Variants in CDHR2 observed in about 807,000 individuals in gnomAD.
The protein encoded by CDHR2 is cadherin-related family member 2.
Under a neutral mutation model 138.6 loss-of-function variants are expected in CDHR2, and 104 were observed. The observed-to-expected ratio is 0.75, with a 90% CI of 0.64 to 0.88. The LOEUF is 0.88. Among genes scored for constraint, CDHR2 ranks in the 40% least tolerant of loss-of-function variants. CDHR2 has a pLI of 0.00. For missense variants in CDHR2, 1,624 were observed against 1,727.6 expected (o/e 0.94, Z 1.06); for synonymous variants, 755 against 742.8 (o/e 1.02, Z -0.27).
rs928584893 is a variant in CDHR2, at chr5:176,553,926, T to C, written c.-16+4512T>C. Among the ~76,000 whole-genome samples, 1 of 152,208 alleles carries C rather than the reference T, an allele frequency of 6.6e-6. No homozygotes were observed. Among genetic ancestry groups the C allele is most frequent in the East Asian group, 1.9e-4 (1 of 5,200 alleles). Reference sequence around the variant, plus strand: ...CTCACTGCCCTTGACTCCAGCGCTATGATGTCACTCTCCAGGGTGTAGCTG... The same window carrying C: ...CTCACTGCCCTTGACTCCAGCGCTACGATGTCACTCTCCAGGGTGTAGCTG... On this transcript the variant is annotated intron_variant, in intron 1 of 31. Transcript: ENST00000261944. This position sits in a 1 kb window ranked among gnomAD's most constrained non-coding sequence, Gnocchi z 4.3.
At chr5:176,588,408 A>AGGGT (rs565293476) in intron 21 of CDHR2, among the ~76,000 whole-genome samples, 41,600 of 131,382 alleles carry the variant, frequency 0.32, 5,728 homozygotes, top group Middle Eastern at 0.36. Flanking sequence ...TGCATGAGAG[A>AGGGT]GTGAGGGTGT....
Position 176,592,774 on chromosome 5 carries a change from A to G in CDHR2, c.3786A>G (p.Glu1262=). The G allele has an allele frequency of 1.2e-6, 2 of 1,613,818 alleles. No homozygotes were observed. Among genetic ancestry groups the G allele is most frequent in the Admixed American group, 1.7e-5 (1 of 60,000 alleles). ...TGGATGTGGACAAGAACAGTCAGGAAATCAAGGCAAGATGGGGGATGAATT... is the reference window on the plus strand; with the variant it reads ...TGGATGTGGACAAGAACAGTCAGGAGATCAAGGCAAGATGGGGGATGAATT... The part of the protein sequence containing the change: ...NSVDVDKNSQ[E]IKEHRPPHTP... The change falls in exon 31 of 32, where the codon GAA becomes GAG. Residue 1262 remains glutamate, a synonymous_variant. Coordinates refer to ENST00000261944, the MANE Select transcript of CDHR2 (RefSeq NM_017675.6).
At chr5:176,556,625 A>T (rs1757832437) in intron 1 of CDHR2, 1 of 152,426 alleles carries the variant, frequency 6.6e-6, no homozygotes, top group East Asian at 1.9e-4. Context: ...ATATCCTGCC[A>T]CTGCACTCCA....
intron 21 of CDHR2, 117 bp from the exon 22 acceptor site, chr5:176,588,914 G>A: frequency 1.0e-6 from 1 of 1,000,206 alleles, no homozygotes; most frequent in Non-Finnish European, 1.5e-6. Flanking sequence ...GCGTGGGGAT[G>A]GCGGATAGAG....
rs1758593501 is a variant in CDHR2 at position 176,584,209 on chromosome 5, C to G, written c.2078C>G (p.Pro693Arg). Residue 693 changes from proline (P) to arginine (R), a missense_variant, in exon 18 of 32, where the codon CCC becomes CGC. Pro to Arg is a moderately radical substitution (Grantham distance 103, BLOSUM62 -2). Around this residue, in one of 3 missense-constraint regions of CDHR2, gnomAD observed 1,061 missense variants for 1,136.6 expected, o/e 0.93. Coordinates refer to ENST00000261944, the MANE Select transcript of CDHR2 (RefSeq NM_017675.6). ...CTGCAGGACATCAATGATAACCTGC[C>G]CATCTTCAATCAGTCCAGCTACAAC... Reference protein sequence around the residue: ...ITVEDINDNLPIFNQSSYNFT... With the variant: ...ITVEDINDNLRIFNQSSYNFT... 2.5e-6 allele frequency: 4 copies of G among 1,613,916 alleles called. No individual in the cohort carries two copies. The highest frequency in any genetic ancestry group is 2.7e-5 in the African/African-American group (2 of 74,888).
chr5:176,576,023 G>A lies in CDHR2; in HGVS notation c.1032G>A (p.Met344Ile). 1.2e-6 allele frequency: 2 copies of A among 1,613,878 alleles called. No homozygotes were observed. Among genetic ancestry groups the A allele is most frequent in the Non-Finnish European group, 1.7e-6 (2 of 1,180,004 alleles). Residue 344 changes from methionine (M) to isoleucine (I), a missense_variant, in exon 12 of 32, where the codon ATG (methionine) becomes ATA (isoleucine). Physicochemically the swap from Met to Ile is conservative, Grantham distance 10. Around this residue, in one of 3 missense-constraint regions of CDHR2, gnomAD observed 1,061 missense variants for 1,136.6 expected, o/e 0.93. Transcript: ENST00000261944. This position sits in a 1 kb window ranked among gnomAD's most constrained non-coding sequence, Gnocchi z 4.5. ...KVSIWVTVRVMDVNDHKPEFY... is the reference protein window; with the variant it reads ...KVSIWVTVRVIDVNDHKPEFY... ...GCATCTGGGTGACAGTGAGAGTGAT[G>A]GACGTCAATGACCACAAACCTGAGT...
At chr5:176,548,221 A>G (rs1374776379), upstream of CDHR2, among the ~76,000 whole-genome samples, 1 of 152,274 alleles carries the variant, frequency 6.6e-6, no homozygotes, top group African/African-American at 2.4e-5. Flanking sequence ...GTTGTTGACC[A>G]AAACACAGAT....
chr5:176,542,732 C>G (rs1392571065), exon 1 of CDHR2: 1 of 152,298 alleles, frequency 6.6e-6, no homozygotes, highest in Non-Finnish European at 1.5e-5. Context: ...GACACGGACT[C>G]TCTCCGGACC....
rs779813314 is a variant in CDHR2, at chr5:176,576,210, G to C, written c.1194+25G>C. The C allele has an allele frequency of 2.2e-5, 35 of 1,577,308 alleles. No individual in the cohort carries two copies. The South Asian group carries it at 3.7e-4, about 17-fold the overall frequency. Reference sequence around the variant, plus strand: ...GGCAGGCGTGGTGGCGTGGGTGTGGGCGGGGGTGGCTGGGGGAGGCCAGTG... The same window carrying C: ...GGCAGGCGTGGTGGCGTGGGTGTGGCCGGGGGTGGCTGGGGGAGGCCAGTG... On this transcript the variant is annotated intron_variant, in intron 12 of 31. Coordinates refer to ENST00000261944, the MANE Select transcript of CDHR2 (RefSeq NM_017675.6). This position sits in a 1 kb window ranked among gnomAD's most constrained non-coding sequence, Gnocchi z 4.5.
chr5:176,571,015 T>C (rs1167745211), intron 5 of CDHR2, among the ~76,000 whole-genome samples, 198 bp from the exon 6 acceptor site: 1 of 83,760 alleles, frequency 1.2e-5, no homozygotes, highest in Non-Finnish European at 2.3e-5. Flanking sequence ...GAAAACAACA[T>C]ATGGAGAGAA....
In CDHR2 at chr5:176,577,427, T is replaced by C. The variant is rs752295554; in HGVS notation, c.1223T>C (p.Leu408Pro). Residue 408 changes from leucine (L) to proline (P), a missense_variant, in exon 13 of 32, where the codon CTG becomes CCG. Transcript: ENST00000261944. ...AGCAATGGCACCTTCCTGTTGTCGC[T>C]GGGGGGCCCCGATGCAGAAGCCTTC... is the stretch of plus-strand genomic sequence containing the variant. ...KGSNGTFLLS[L>P]GGPDAEAFSV... The C allele has an allele frequency of 6.2e-7, 1 of 1,609,852 alleles. No individual in the cohort carries two copies. The highest frequency in any genetic ancestry group is 1.7e-5 in the Admixed American group (1 of 59,264).
intron 16 of CDHR2, among the ~76,000 whole-genome samples, chr5:176,580,023 G>A (rs1015057526): frequency 6.6e-6 from 1 of 152,098 alleles, no homozygotes; most frequent in South Asian, 2.1e-4. Flanking sequence ...AAGGCCTGGC[G>A]GCACAGAGGA....
At chr5:176,586,732 G>C in intron 20 of CDHR2, 61 bp from the exon 21 acceptor site, 1 of 1,492,228 alleles carries the variant, frequency 6.7e-7, no homozygotes, top group Non-Finnish European at 9.2e-7. Context: ...CTCGTGACCA[G>C]CCTTGGTCCA....
chr5:176,555,920 C>G (rs1348655725), intron 1 of CDHR2, among the ~76,000 whole-genome samples: 1 of 152,016 alleles, frequency 6.6e-6, no homozygotes, highest in Non-Finnish European at 1.5e-5. Context: ...AAAAAAAACC[C>G]CCTCTGAAAT....
At position 176,558,382 on chromosome 5, in the gene CDHR2, A is replaced by AT. The variant is rs568355994; in HGVS notation, c.-15-6938dup. ...AGGCGCCCGCCACCATGCCCAGCTA[A>AT]TTTTTTTTTTTTTTTTTTGAGATGG... is the stretch of plus-strand genomic sequence containing the variant. On this transcript the variant is annotated intron_variant, in intron 1 of 31. Transcript: ENST00000261944. Among the ~76,000 whole-genome samples, 494 of 120,690 alleles carry AT rather than the reference A, an allele frequency of 4.1e-3. 3 individuals are homozygous for AT. Among genetic ancestry groups the AT allele is most frequent in the African/African-American group, 0.011 (343 of 31,940 alleles). The allele number at this position is 120,690 out of a possible 152,430, so 79.2% of individuals were successfully genotyped here.
chr5:176,575,235 C>A, intron 8 of CDHR2, 26 bp downstream of exon 8: 2 of 1,614,114 alleles, frequency 1.2e-6, no homozygotes, highest in Non-Finnish European at 1.7e-6. Context: ...GGCAGGCGGG[C>A]CTAGGACCCA....
At chr5:176,588,540 AGTGAGT>A (rs1224080878) in intron 21 of CDHR2, among the ~76,000 whole-genome samples, 1 of 141,740 alleles carries the variant, frequency 7.1e-6, no homozygotes, top group Non-Finnish European at 1.5e-5. Flanking sequence ...TGTTAGGGTG[AGTGAGT>A]GTATGTGTGA....
At position 176,576,304 on chromosome 5, in the gene CDHR2, C is replaced by A; in HGVS notation, c.1194+119C>A. On this transcript the variant is annotated intron_variant, in intron 12 of 31. Coordinates refer to ENST00000261944, the MANE Select transcript of CDHR2 (RefSeq NM_017675.6). The surrounding 1 kb of genome is among the most constrained non-coding windows in gnomAD (Gnocchi z 4.5). ...GTGCTGGTGGTGCAGGGTGTGATGG[C>A]GGAGAATGGGGGTGCTGGGTGCTCT... 1 of 792,456 alleles carries A rather than the reference C, an allele frequency of 1.3e-6. No individual in the cohort carries two copies. Among genetic ancestry groups the A allele is most frequent in the Non-Finnish European group, 2.0e-6 (1 of 492,088 alleles). 49.1% of individuals were successfully genotyped at this position (792,456 alleles called of 1,614,324 possible).
At chr5:176,584,372 G>A (rs757471293) in intron 18 of CDHR2, 38 bp from the exon 19 acceptor site, 10 of 1,607,002 alleles carry the variant, frequency 6.2e-6, no homozygotes, top group Non-Finnish European at 8.5e-6. Context: ...CCGATGGCGG[G>A]GTCAGGAGTC....
Sources: gnomAD v4.1 joint callset for allele counts (sites outside exome capture counted in the v4.1 genomes callset) on GRCh38, gnomAD v4.1.1 for gene constraint, gnomAD v4.1.1 regional missense constraint, Gnocchi (gnomAD v3.1) non-coding constraint, MANE v1.5 for transcripts, NCBI Gene and HGNC (gene_info 2026-07-23, HGNC 2026-07-21) for gene names.